The following COL5A2 variants were observed in gnomAD, a reference collection of about 807,000 sequenced individuals.
COL5A2 encodes collagen type V alpha 2 chain, also known as collagen alpha-2(V) chain.
In COL5A2, 23 loss-of-function variants were observed where a neutral mutation model predicts 208.2. That is an observed-to-expected ratio of 0.11 (90% CI 0.08 to 0.16). The LOEUF is 0.16. COL5A2 is among the 10% of genes least tolerant of loss of function. The pLI, the probability that COL5A2 is intolerant of heterozygous loss-of-function variation, is 1.00. For synonymous variants in COL5A2, 625 were observed against 628.5 expected, an observed-to-expected ratio of 0.99 and a Z score of 0.08; for missense variants, 1,590 against 1,956.4, an observed-to-expected ratio of 0.81 and a Z score of 3.53.
At chr2:189,256,020 C>A in the COL5A2 span, among the ~76,000 whole-genome samples, 1 of 152,192 alleles carries the variant, frequency 6.6e-6, no homozygotes, top group South Asian at 2.1e-4. Context: ...TTATGACCTT[C>A]AGCATTTATA....
At chr2:189,156,200 C>T (rs1400171818) in intron 1 of COL5A2, among the ~76,000 whole-genome samples, 2 of 152,122 alleles carry the variant, frequency 1.3e-5, no homozygotes, top group Non-Finnish European at 2.9e-5. Flanking sequence ...AGAGCATGGA[C>T]ATCTTTGGGG....
At chr2:189,144,456 G>T (rs1372220179) in intron 1 of COL5A2, among the ~76,000 whole-genome samples, 1 of 151,858 alleles carries the variant, frequency 6.6e-6, no homozygotes, top group African/African-American at 2.4e-5. Context: ...AGCTTCATAA[G>T]GACACTGTAG....
rs535784573 is a variant in COL5A2, at chr2:189,159,691, A to T, written c.97+19817T>A. Among the ~76,000 whole-genome samples the T allele has an allele frequency of 2.8e-5, 4 of 140,958 alleles. No homozygotes were observed. The East Asian group carries it at 8.6e-4, about 30-fold the overall frequency. 92.5% of individuals were successfully genotyped at this position (140,958 alleles called of 152,430 possible). On this transcript the variant is annotated intron_variant, in intron 1 of 53. Transcript: ENST00000374866. ...TCTTCCTCTTTATGCATATTCACTG[A>T]AAAAATTATTTAAAAAAATCTAAAC...
chr2:189,052,402 T>C (rs1228549312), intron 40 of COL5A2, among the ~76,000 whole-genome samples, 177 bp from the exon 41 acceptor site: 1 of 152,214 alleles, frequency 6.6e-6, no homozygotes, highest in Non-Finnish European at 1.5e-5. Flanking sequence ...CTAGATTAAC[T>C]GGTAGGAAGG....
chr2:189,045,692 TC>T, intron 46 of COL5A2, 107 bp downstream of exon 46: 2 of 858,866 alleles, frequency 2.3e-6, no homozygotes, highest in South Asian at 2.8e-5. Flanking sequence ...TTATTTAGAG[TC>T]CTTAACGAAG....
chr2:189,311,953 C>T, the COL5A2 span: 2 of 762,162 alleles, frequency 2.6e-6, no homozygotes, highest in South Asian at 2.7e-5. Flanking sequence ...CCAGCTGCAG[C>T]CGAGTGACAT....
chr2:189,239,770 A>C, the COL5A2 span, among the ~76,000 whole-genome samples: 1 of 151,872 alleles, frequency 6.6e-6, no homozygotes, highest in African/African-American at 2.4e-5. Flanking sequence ...AAAGTATAAT[A>C]ATAATAAAAT....
Position 189,041,607 on chromosome 2 carries a change from A to G in COL5A2, c.3612T>C (p.Ser1204=), listed in dbSNP as rs1424432535. 3 of 1,613,764 alleles carry G rather than the reference A, an allele frequency of 1.9e-6. No homozygotes were observed. The highest frequency in any genetic ancestry group is 2.5e-6 in the Non-Finnish European group (3 of 1,179,702). The part of the protein sequence containing the change: ...GPIGPPGVRG[S]VGEAGPEGPP... The stretch of plus-strand genomic sequence containing the variant: ...TTACCTCAGGTCCTGCTTCTCCTAC[A>G]CTGCCTCGTACACCTGGAGGTCCAA... Residue 1204 remains serine, a synonymous_variant, in exon 50 of 54, where the codon AGT becomes AGC. Coordinates refer to ENST00000374866, the MANE Select transcript of COL5A2 (RefSeq NM_000393.5).
At chr2:189,405,683 C>T in the COL5A2 span, among the ~76,000 whole-genome samples, 5 of 152,176 alleles carry the variant, frequency 3.3e-5, no homozygotes, top group South Asian at 1.0e-3. Flanking sequence ...AGGTATACAA[C>T]ATAAAACTGT....
intron 44 of COL5A2, 103 bp from the exon 45 acceptor site, chr2:189,048,365 A>T: frequency 4.0e-6 from 4 of 1,005,676 alleles, no homozygotes; most frequent in African/African-American, 1.6e-5. Context: ...TGTGTTTTAT[A>T]AACTGTCAGT....
At chr2:189,261,671 G>T in the COL5A2 span, among the ~76,000 whole-genome samples, 12 of 152,150 alleles carry the variant, frequency 7.9e-5, no homozygotes, top group African/African-American at 2.7e-4. Context: ...CTTGTAATAC[G>T]TGTAGCTCAC....
At chr2:189,168,152 G>T (rs1688504488) in intron 1 of COL5A2, among the ~76,000 whole-genome samples, 1 of 151,642 alleles carries the variant, frequency 6.6e-6, no homozygotes, top group African/African-American at 2.4e-5. Flanking sequence ...TGTTAGCCAG[G>T]ATGGTGTCGA....
chr2:189,432,925 T>G, the COL5A2 span, among the ~76,000 whole-genome samples: 1 of 152,260 alleles, frequency 6.6e-6, no homozygotes, highest in South Asian at 2.1e-4. Flanking sequence ...GACCACATAA[T>G]TGGAAGTAAA....
the COL5A2 span, among the ~76,000 whole-genome samples, chr2:189,292,463 C>T: frequency 6.6e-6 from 1 of 152,108 alleles, no homozygotes; most frequent in Non-Finnish European, 1.5e-5. Context: ...AGACACTTCT[C>T]AAAAGAAGAC....
At chr2:189,317,757 T>C in the COL5A2 span, among the ~76,000 whole-genome samples, 1 of 152,208 alleles carries the variant, frequency 6.6e-6, no homozygotes, top group Non-Finnish European at 1.5e-5. Context: ...CTAAGAATTT[T>C]TTTTATGCTT....
chr2:189,307,005 T>A, the COL5A2 span, among the ~76,000 whole-genome samples: 1 of 152,202 alleles, frequency 6.6e-6, no homozygotes, highest in African/African-American at 2.4e-5. Flanking sequence ...ATTTCTAATA[T>A]GCCTATTTTG....
chr2:189,248,537 A>C, the COL5A2 span, among the ~76,000 whole-genome samples: 4 of 152,178 alleles, frequency 2.6e-5, no homozygotes, highest in African/African-American at 9.6e-5. Flanking sequence ...ACTTTCAGTA[A>C]ACACTGTATT....
At chr2:189,236,563 T>C in the COL5A2 span, among the ~76,000 whole-genome samples, 3 of 151,852 alleles carry the variant, frequency 2.0e-5, no homozygotes, top group Non-Finnish European at 2.9e-5. Context: ...CTGGTGGGTG[T>C]AGAGTGGCAT....
At chr2:189,071,184 C>T (rs1177697430) in intron 18 of COL5A2, among the ~76,000 whole-genome samples, 2 of 152,266 alleles carry the variant, frequency 1.3e-5, no homozygotes, top group East Asian at 3.9e-4. Context: ...TAATCCTCAA[C>T]AAAATTCCAT....
Sources: allele counts gnomAD v4.1 joint callset (sites outside exome capture counted in the v4.1 genomes callset), GRCh38; gene constraint gnomAD v4.1.1; transcripts MANE v1.5; gene names NCBI Gene and HGNC (gene_info 2026-07-23, HGNC 2026-07-21).